Variants in SLC6A4 observed in about 807,000 individuals in gnomAD.
The protein encoded by SLC6A4 is solute carrier family 6 member 4.
Under a neutral mutation model 73.4 loss-of-function variants are expected in SLC6A4, and 22 were observed. The observed-to-expected ratio is 0.30, with a 90% CI of 0.21 to 0.43. The LOEUF (loss-of-function observed/expected upper bound fraction) is 0.43. Among genes scored for constraint, SLC6A4 ranks in the 20% least tolerant of loss-of-function variants. The pLI is 1.00. For missense variants in SLC6A4, 593 were observed against 808.5 expected (o/e 0.73, Z 3.23); for synonymous variants, 270 against 315.5 (o/e 0.86, Z 1.53).
intron 1 of SLC6A4, among the ~76,000 whole-genome samples, chr17:30,234,154 A>G (rs1907199851): frequency 6.6e-6 from 1 of 151,950 alleles, no homozygotes; most frequent in Admixed American, 6.6e-5. Context: ...TTCAGATTCC[A>G]TTAAAACATC....
chr17:30,220,999 C>G (rs1188874871), intron 3 of SLC6A4, among the ~76,000 whole-genome samples: 1 of 119,962 alleles, frequency 8.3e-6, no homozygotes, highest in Non-Finnish European at 1.6e-5. Context: ...TTTTTTGAGA[C>G]AGAGTCTCGC....
rs34129293 is a variant in SLC6A4, at chr17:30,203,378, A to G, written c.1651-39T>C. 10 of 1,555,704 alleles carry G rather than the reference A, an allele frequency of 6.4e-6. No individual in the cohort carries two copies. The Admixed American group carries it at 1.4e-4, about 21-fold the overall frequency. On this transcript the variant is annotated intron_variant, in intron 13 of 14. Transcript: ENST00000650711. ...TCCAAGAAACATTAAAAACCTTAAC[A>G]ATATCCACTCAGATAGAGATGTTTC...
chr17:30,223,066 A>G (rs149893681), intron 1 of SLC6A4, among the ~76,000 whole-genome samples, 151 bp from the exon 2 acceptor site: 2 of 152,280 alleles, frequency 1.3e-5, no homozygotes, highest in Non-Finnish European at 2.9e-5. Flanking sequence ...CTCTGGCTTG[A>G]GGTCTGAGTC....
chr17:30,229,497 C>T (rs1907022399), intron 1 of SLC6A4, among the ~76,000 whole-genome samples: 1 of 152,056 alleles, frequency 6.6e-6, no homozygotes, highest in African/African-American at 2.4e-5. Context: ...GAAAGAAGAA[C>T]AAGGAGCAGG....
intron 7 of SLC6A4, 95 bp downstream of exon 7, chr17:30,215,987 C>T: frequency 2.6e-6 from 3 of 1,137,046 alleles, no homozygotes; most frequent in Non-Finnish European, 2.6e-6. Flanking sequence ...ACACTGAAGC[C>T]ACATTTCAGT....
intron 14 of SLC6A4, among the ~76,000 whole-genome samples, chr17:30,202,545 T>A (rs1906070943): frequency 6.6e-6 from 1 of 152,252 alleles, no homozygotes; most frequent in African/African-American, 2.4e-5. Context: ...GACATGCAGA[T>A]GCTTTGAAAA....
chr17:30,233,355 G>C (rs953379624), intron 1 of SLC6A4, among the ~76,000 whole-genome samples: 1 of 152,176 alleles, frequency 6.6e-6, no homozygotes, highest in African/African-American at 2.4e-5. Flanking sequence ...CAGCTGGGGA[G>C]TCGGGTTATT....
In SLC6A4 at chr17:30,218,861, T is replaced by C; in HGVS notation, c.414A>G (p.Ala138=). ...GGIPLFYMEL[A]LGQYHRNGCI... ...ATCCATTTCGGTGGTACTGTCCCAG[T>C]GCGAGCTCCATGTAAAAGAGCGGGA... The change falls in exon 4 of 15, where the codon GCA becomes GCG. Residue 138 remains alanine (A), a synonymous_variant. Transcript: ENST00000650711. 2 of 1,614,086 alleles carry C rather than the reference T, an allele frequency of 1.2e-6. No individual in the cohort carries two copies. The highest frequency in any genetic ancestry group is 1.6e-4 in the Middle Eastern group (1 of 6,062).
At chr17:30,232,012 C>T (rs1314338332) in intron 1 of SLC6A4, among the ~76,000 whole-genome samples, 1 of 152,204 alleles carries the variant, frequency 6.6e-6, no homozygotes, top group Admixed American at 6.5e-5. Context: ...GGGAGCAGAA[C>T]CCCTCCCTGG....
intron 13 of SLC6A4, among the ~76,000 whole-genome samples, chr17:30,205,802 T>C (rs1567816028): frequency 6.6e-6 from 1 of 152,286 alleles, no homozygotes; most frequent in Middle Eastern, 3.4e-3. Flanking sequence ...AGAACAAGCA[T>C]GTTGTCCATC....
chr17:30,234,812 T>G (rs2143016983), intron 1 of SLC6A4, among the ~76,000 whole-genome samples: 1 of 152,330 alleles, frequency 6.6e-6, no homozygotes, highest in Admixed American at 6.5e-5. Context: ...TCAGAAATTC[T>G]ACCCCTCTCA....
At position 30,217,281 on chromosome 17, in the gene SLC6A4, C is replaced by A. The variant is rs142505940; in HGVS notation, c.722G>T (p.Arg241Leu). 2 of 1,613,944 alleles carry A rather than the reference C, an allele frequency of 1.2e-6. No homozygotes were observed. Among genetic ancestry groups the A allele is most frequent in the African/African-American group, 1.3e-5 (1 of 74,900 alleles). ...CCCCAGGTCCTGGAGCCCCTTAGAC[C>A]GGTGGATCTGCAGGACGTGGCGCCT... is the stretch of plus-strand genomic sequence containing the variant. ...FYTRHVLQIHRSKGLQDLGGI... is the reference protein window; with the variant it reads ...FYTRHVLQIHLSKGLQDLGGI... The change falls in exon 6 of 15, where the codon CGG becomes CTG. Residue 241 changes from arginine (R) to leucine (L), a missense_variant. Physicochemically the swap from Arg to Leu is moderately radical, Grantham distance 102 (BLOSUM62 -2). Transcript: ENST00000650711.
At chr17:30,230,083 AGAAGAAGAAGAAGAGGAGGAAGAG>A (rs1219011852) in intron 1 of SLC6A4, among the ~76,000 whole-genome samples, 33 of 127,050 alleles carry the variant, frequency 2.6e-4, no homozygotes, top group African/African-American at 3.9e-4. Flanking sequence ...AAGAAGAAGA[AGAAGAAGAAGAAGAGGAGGAAGAG>A]GAAGAGGAAG....
chr17:30,201,550 C>A (rs532157443), intron 14 of SLC6A4, among the ~76,000 whole-genome samples: 15 of 152,190 alleles, frequency 9.9e-5, no homozygotes, highest in Non-Finnish European at 2.2e-4. Flanking sequence ...CCACCTCCAA[C>A]CTTGGCCTCT....
intron 1 of SLC6A4, among the ~76,000 whole-genome samples, chr17:30,225,384 T>A (rs2143015944): frequency 6.6e-6 from 1 of 152,298 alleles, no homozygotes; most frequent in Admixed American, 6.5e-5. Context: ...TTTTTCTGAT[T>A]CTGCAGAGCC....
chr17:30,223,683 G>A (rs1906839665), intron 1 of SLC6A4, among the ~76,000 whole-genome samples: 1 of 152,200 alleles, frequency 6.6e-6, no homozygotes, highest in South Asian at 2.1e-4. Context: ...CTGTGTGTGT[G>A]TAAGGGGAGG....
At chr17:30,208,875 T>G (rs1453703142) in intron 12 of SLC6A4, among the ~76,000 whole-genome samples, 1 of 143,750 alleles carries the variant, frequency 7.0e-6, no homozygotes, top group Non-Finnish European at 1.5e-5. Context: ...TTTTTTTTTG[T>G]ATTTTTAGTA....
intron 14 of SLC6A4, among the ~76,000 whole-genome samples, chr17:30,198,749 T>C (rs968625883): frequency 3.9e-4 from 60 of 152,258 alleles, no homozygotes; most frequent in African/African-American, 1.4e-3. Context: ...TACACATCTG[T>C]AAACTAAGAA....
At position 30,222,034 on chromosome 17, in the gene SLC6A4, A is replaced by G. The variant is rs749540286; in HGVS notation, c.-76T>C. On this transcript the variant is annotated 5_prime_UTR_variant, in exon 3 of 15. Coordinates refer to ENST00000650711, the MANE Select transcript of SLC6A4 (RefSeq NM_001045.6). ...GATCTCTGGGTGCTTGGATTTGTGG[A>G]TCACCTCCGAGCTCTCTATCGTCGG... 3.7e-6 allele frequency: 6 copies of G among 1,605,862 alleles called. No individual in the cohort carries two copies. The Admixed American group carries it at 8.6e-5, about 23-fold the overall frequency.
Sources: allele counts gnomAD v4.1 joint callset (sites outside exome capture counted in the v4.1 genomes callset), GRCh38; gene constraint gnomAD v4.1.1; transcripts MANE v1.5; gene names NCBI Gene and HGNC (gene_info 2026-07-23, HGNC 2026-07-21).